MYO5A: variants seen among roughly 807,000 people sequenced by gnomAD.
The protein encoded by MYO5A is myosin VA, also known as unconventional myosin-Va.
In MYO5A, 98 loss-of-function variants were observed where a neutral mutation model predicts 249.7. That is an observed-to-expected ratio of 0.39 (90% confidence interval 0.33 to 0.46). The LOEUF is 0.46. Ranked by LOEUF, MYO5A falls within the 20% of genes least tolerant of loss-of-function variation. MYO5A has a pLI of 0.98. For synonymous variants in MYO5A, 778 were observed against 810.6 expected, an observed-to-expected ratio of 0.96 and a Z score of 0.68; for missense variants, 1,696 against 2,308.8, an observed-to-expected ratio of 0.73 and a Z score of 5.44.
chr15:52,358,357 AAAACC>A (rs2040352119), intron 25 of MYO5A, among the ~76,000 whole-genome samples: 1 of 152,224 alleles, frequency 6.6e-6, no homozygotes, highest in African/African-American at 2.4e-5. Flanking sequence ...ATGTAATCCT[AAAACC>A]TTCCTATCTA....
At chr15:52,504,876 G>A (rs1274203882) in intron 1 of MYO5A, among the ~76,000 whole-genome samples, 2 of 149,532 alleles carry the variant, frequency 1.3e-5, no homozygotes, top group African/African-American at 4.9e-5. Flanking sequence ...GCGACACAGC[G>A]AGACTCCATC....
chr15:52,453,611 T>C (rs2076062208), intron 1 of MYO5A, among the ~76,000 whole-genome samples: 1 of 152,122 alleles, frequency 6.6e-6, no homozygotes, highest in African/African-American at 2.4e-5. Context: ...GGAAGATAAA[T>C]CTATCAAAAA....
chr15:52,430,340 T>C (rs1239314320), intron 2 of MYO5A, among the ~76,000 whole-genome samples: 1 of 152,162 alleles, frequency 6.6e-6, no homozygotes, highest in Non-Finnish European at 1.5e-5. Context: ...TGTTTGTGGC[T>C]AGTGTGGGGA....
rs1242376745 is a variant in MYO5A at position 52,464,665 on chromosome 15, G to GA, written c.28-31381dup. On this transcript the variant is annotated intron_variant, in intron 1 of 41. Transcript: ENST00000399233. ...TGCTTAGCATAGTGTTTAGCTGACTGAAAAAATAGGTTAGGAGCAGGATGT... is the reference window on the plus strand; with the variant it reads ...TGCTTAGCATAGTGTTTAGCTGACTGAAAAAAATAGGTTAGGAGCAGGATGT... 2.6e-5 allele frequency among the ~76,000 whole-genome samples: 4 copies of GA among 152,310 alleles called. No individual in the cohort carries two copies. The East Asian group carries it at 5.8e-4, about 22-fold the overall frequency.
chr15:52,528,922 G>A, upstream of MYO5A: 1 of 944,876 alleles, frequency 1.1e-6, no homozygotes. Context: ...GGGCAGGGCA[G>A]GGCCGGGCGG....
At position 52,397,330 on chromosome 15, in the gene MYO5A, G is replaced by A. The variant is rs761247058; in HGVS notation, c.1190C>T (p.Thr397Met). The change falls in exon 10 of 42, where the codon ACG becomes ATG. Residue 397 changes from threonine to methionine, a missense_variant. By Grantham distance (81) the Thr-to-Met change is moderately conservative. Transcript: ENST00000399233. ...YIKPISKLQA[T>M]NARDALAKHI... ...CTTGGCCAAAGCATCGCGGGCATTCGTGGCCTGCAGCTTGGAGATGGGCTT... is the reference window on the plus strand; with the variant it reads ...CTTGGCCAAAGCATCGCGGGCATTCATGGCCTGCAGCTTGGAGATGGGCTT... The A allele has an allele frequency of 1.4e-5, 23 of 1,613,950 alleles. No homozygotes were observed. The highest frequency in any genetic ancestry group is 8.8e-5 in the South Asian group (8 of 91,070).
chr15:52,405,333 C>T lies in MYO5A; in HGVS notation c.1007G>A (p.Gly336Asp). The T allele has an allele frequency of 6.2e-7, 1 of 1,613,902 alleles. No individual in the cohort carries two copies. The highest frequency in any genetic ancestry group is 8.5e-7 in the Non-Finnish European group (1 of 1,179,870). ...FRILAGILHLGNVGFTSRDAD... is the reference protein window; with the variant it reads ...FRILAGILHLDNVGFTSRDAD... ...ATCTCGGGATGTAAATCCAACATTG[C>T]CTAAGTGAAGGATGCCAGCAAGTAT... The change falls in exon 9 of 42, where the codon GGC becomes GAC. Residue 336 changes from glycine (G) to aspartate (D), a missense_variant. Coordinates refer to ENST00000399233, the MANE Select transcript of MYO5A (RefSeq NM_001382347.1).
intron 1 of MYO5A, among the ~76,000 whole-genome samples, chr15:52,502,517 ACT>A (rs1046541510): frequency 2.0e-5 from 3 of 152,084 alleles, no homozygotes; most frequent in Non-Finnish European, 2.9e-5. Flanking sequence ...GCATTTACAA[ACT>A]CTCTTTCTCA....
Position 52,389,294 on chromosome 15 carries a change from A to G in MYO5A, c.1612T>C (p.Phe538Leu). 1 of 1,613,402 alleles carries G rather than the reference A, an allele frequency of 6.2e-7. No homozygotes were observed. Among genetic ancestry groups the G allele is most frequent in the Non-Finnish European group, 8.5e-7 (1 of 1,179,414 alleles). ...YNTHLNKCALFEKPRLSNKAF... is the reference protein window; with the variant it reads ...YNTHLNKCALLEKPRLSNKAF... ...TTGTTTGATAGACGAGGCTTTTCAA[A>G]GAGTGCACATTTGTTCAAATGTGTG... Residue 538 changes from phenylalanine (F) to leucine (L), a missense_variant, in exon 13 of 42, where the codon TTT (phenylalanine) becomes CTT (leucine). Coordinates refer to ENST00000399233, the MANE Select transcript of MYO5A (RefSeq NM_001382347.1).
intron 1 of MYO5A, among the ~76,000 whole-genome samples, chr15:52,447,759 T>C (rs1172605531): frequency 1.3e-5 from 2 of 152,242 alleles, no homozygotes; most frequent in African/African-American, 4.8e-5. Flanking sequence ...ACTCATGCTA[T>C]GCTTTAGGAA....
At position 52,353,806 on chromosome 15, in the gene MYO5A, G is replaced by C. The variant is rs1167528198; in HGVS notation, c.3567+65C>G. ...ATAGGCTGGGCTGAGTCTCCACTAAGGAAGAGACTGCTGAAATGGACATAA... is the reference window on the plus strand; with the variant it reads ...ATAGGCTGGGCTGAGTCTCCACTAACGAAGAGACTGCTGAAATGGACATAA... On this transcript the variant is annotated intron_variant, in intron 26 of 41. Transcript: ENST00000399233. The C allele has an allele frequency of 5.0e-6, 8 of 1,608,518 alleles. No individual in the cohort carries two copies. The East Asian group carries it at 1.8e-4, about 36-fold the overall frequency.
intron 29 of MYO5A, among the ~76,000 whole-genome samples, chr15:52,348,513 A>T (rs891304822): frequency 2.6e-5 from 4 of 152,174 alleles, no homozygotes; most frequent in Admixed American, 2.6e-4. Context: ...GTGTACTCCA[A>T]GTTAAGGGCT....
At chr15:52,426,714 C>T (rs1306341795) in intron 3 of MYO5A, among the ~76,000 whole-genome samples, 1 of 152,192 alleles carries the variant, frequency 6.6e-6, no homozygotes, top group Non-Finnish European at 1.5e-5. Flanking sequence ...CCCACCTCAG[C>T]CTCCCAAGGT....
chr15:52,336,118 A>G (rs1200210568), intron 34 of MYO5A, among the ~76,000 whole-genome samples: 1 of 152,240 alleles, frequency 6.6e-6, no homozygotes, highest in African/African-American at 2.4e-5. Flanking sequence ...CATATGATTA[A>G]TAAGTAGAAG....
At chr15:52,316,780 T>C (rs920928635) in intron 40 of MYO5A, among the ~76,000 whole-genome samples, 2 of 152,228 alleles carry the variant, frequency 1.3e-5, no homozygotes, top group Non-Finnish European at 1.5e-5. Flanking sequence ...TATGGGTGTA[T>C]CCCAGTGCCT....
At position 52,407,673 on chromosome 15, in the gene MYO5A, T is replaced by A. The variant is rs2043067642; in HGVS notation, c.839-274A>T. Among the ~76,000 whole-genome samples the A allele has an allele frequency of 2.6e-5, 4 of 152,300 alleles. No individual in the cohort carries two copies. The South Asian group carries it at 8.3e-4, about 32-fold the overall frequency. ...TTTTATTCCAATCTACACACTAGAATAATTTCCTCAAATCCTTTACTCCCC... is the reference window on the plus strand; with the variant it reads ...TTTTATTCCAATCTACACACTAGAAAAATTTCCTCAAATCCTTTACTCCCC... On this transcript the variant is annotated intron_variant, in intron 7 of 41. Coordinates refer to ENST00000399233, the MANE Select transcript of MYO5A (RefSeq NM_001382347.1).
upstream of MYO5A, chr15:52,528,958 G>A (rs2141689041): frequency 2.0e-6 from 1 of 500,914 alleles, no homozygotes; most frequent in East Asian, 1.2e-4. Flanking sequence ...GCGGGGCGGG[G>A]CGGGGCGCCT....
At position 52,396,344 on chromosome 15, in the gene MYO5A, T is replaced by A. The variant is rs2042483875; in HGVS notation, c.1373A>T (p.Asn458Ile). 1 of 1,563,320 alleles carries A rather than the reference T, an allele frequency of 6.4e-7. No individual in the cohort carries two copies. The highest frequency in any genetic ancestry group is 1.7e-5 in the Admixed American group (1 of 59,048). ...SFEQFCINYANEKLQQQFNMH... is the reference protein window; with the variant it reads ...SFEQFCINYAIEKLQQQFNMH... ...ATTGAATTGTTGCTGTAGTTTTTCA[T>A]TTGCATAATTTATGCAAAACTGTTC... Residue 458 changes from asparagine (N) to isoleucine (I), a missense_variant, in exon 11 of 42, where the codon AAT becomes ATT. Around this residue, in one of 5 missense-constraint regions of MYO5A, gnomAD observed 277 missense variants for 422.4 expected, o/e 0.66. Coordinates refer to ENST00000399233, the MANE Select transcript of MYO5A (RefSeq NM_001382347.1).
At chr15:52,326,164 T>C (rs1178932318) in intron 36 of MYO5A, among the ~76,000 whole-genome samples, 1 of 152,236 alleles carries the variant, frequency 6.6e-6, no homozygotes, top group Non-Finnish European at 1.5e-5. Context: ...CAAATGCACA[T>C]TAATTTTAAA....
Sources: allele counts gnomAD v4.1 joint callset (sites outside exome capture counted in the v4.1 genomes callset), GRCh38; gene constraint gnomAD v4.1.1; regional missense constraint gnomAD v4.1.1; transcripts MANE v1.5; gene names NCBI Gene and HGNC (gene_info 2026-07-23, HGNC 2026-07-21).